STXBP5L: variants seen among roughly 807,000 people sequenced by gnomAD.
STXBP5L encodes the protein syntaxin-binding protein 5-like.
In STXBP5L, 65 loss-of-function variants were observed where a neutral mutation model predicts 144.5. The observed-to-expected ratio is 0.45, with a 90% confidence interval of 0.37 to 0.55. STXBP5L has a LOEUF of 0.55. STXBP5L is among the 20% of genes least tolerant of loss of function. STXBP5L has a pLI of 0.00. For synonymous variants in STXBP5L, 505 were observed against 469.6 expected (o/e 1.08, Z -0.97); for missense variants, 1,298 against 1,405.5 (o/e 0.92, Z 1.22).
At chr3:121,311,127 T>A (rs76120042) in intron 19 of STXBP5L, among the ~76,000 whole-genome samples, 18,302 of 152,154 alleles carry the variant, frequency 0.12, 1,160 homozygotes, top group Non-Finnish European at 0.14. Flanking sequence ...TGTGAAAATG[T>A]TCCAACTATC....
chr3:121,260,454 A>G (rs1424055661), intron 18 of STXBP5L, among the ~76,000 whole-genome samples: 1 of 151,998 alleles, frequency 6.6e-6, no homozygotes, highest in African/African-American at 2.4e-5. Flanking sequence ...TTTGTGTCTT[A>G]TTTAAAAAGT....
chr3:121,299,975 C>CAAAAAAAAAAAAAAAAAAAA (rs35062789), intron 19 of STXBP5L, among the ~76,000 whole-genome samples: 1 of 115,738 alleles, frequency 8.6e-6, no homozygotes, highest in Non-Finnish European at 1.8e-5. Flanking sequence ...GACCTGATCT[C>CAAAAAAAAAAAAAAAAAAAA]AAAAAAAAAA....
rs560235004 is a variant in STXBP5L at position 121,422,380 on chromosome 3, A to G, written c.*3283A>G. The G allele has an allele frequency of 3.3e-5, 5 of 152,274 alleles. No individual in the cohort carries two copies. The highest frequency in any genetic ancestry group is 3.9e-4 in the East Asian group (2 of 5,176). 9.4% of individuals were successfully genotyped at this position (152,274 alleles called of 1,614,324 possible). ...CCCAACAAGTTGACCTTGTCTCCCT[A>G]TGATTTCCTTGGAAGATAAGGCCTT... On this transcript the variant is annotated 3_prime_UTR_variant, in exon 27 of 27. Transcript: ENST00000471454.
In STXBP5L at chr3:120,955,615, T is replaced by G. The variant is rs566521480; in HGVS notation, c.287+578T>G. On this transcript the variant is annotated intron_variant, in intron 3 of 26. Coordinates refer to ENST00000471454, the MANE Select transcript of STXBP5L (RefSeq NM_001308330.2). ...TAATTAATTGTAGATGCACATGTAG[T>G]TATAAGAAATAATACAGAGATATCC... Among the ~76,000 whole-genome samples, 4 of 152,162 alleles carry G rather than the reference T, an allele frequency of 2.6e-5. No homozygotes were observed. The East Asian group carries it at 7.7e-4, about 29-fold the overall frequency.
At chr3:121,198,705 C>T (rs2048018395) in intron 9 of STXBP5L, among the ~76,000 whole-genome samples, 1 of 152,174 alleles carries the variant, frequency 6.6e-6, no homozygotes, top group South Asian at 2.1e-4. Context: ...CTGCATATCG[C>T]TAGCCAGTTT....
intron 5 of STXBP5L, among the ~76,000 whole-genome samples, chr3:121,111,066 G>A (rs541664542): frequency 1.1e-4 from 16 of 152,252 alleles, no homozygotes; most frequent in Admixed American, 1.3e-4. Flanking sequence ...AAGTTCTCAT[G>A]TTGTGTTTTT....
At chr3:121,287,025 C>T (rs1230945211) in intron 19 of STXBP5L, among the ~76,000 whole-genome samples, 1 of 152,142 alleles carries the variant, frequency 6.6e-6, no homozygotes, top group Admixed American at 6.5e-5. Context: ...CAGAGATCTA[C>T]AGTGTTTCCT....
At chr3:121,016,405 G>A (rs1218231756) in intron 3 of STXBP5L, among the ~76,000 whole-genome samples, 4 of 152,166 alleles carry the variant, frequency 2.6e-5, no homozygotes, top group Non-Finnish European at 5.9e-5. Flanking sequence ...AAGCCTAGAG[G>A]TGGAAACTCT....
intron 5 of STXBP5L, among the ~76,000 whole-genome samples, chr3:121,064,999 T>G (rs1386464026): frequency 6.6e-6 from 1 of 152,210 alleles, no homozygotes; most frequent in Non-Finnish European, 1.5e-5. Flanking sequence ...TATAGTATTG[T>G]TTTCTGTTCC....
intron 18 of STXBP5L, among the ~76,000 whole-genome samples, chr3:121,274,614 C>T (rs936680559): frequency 2.0e-5 from 3 of 152,182 alleles, no homozygotes; most frequent in African/African-American, 7.2e-5. Flanking sequence ...CCCAGAGCAG[C>T]CATGAAGCCA....
chr3:121,007,027 C>T (rs561150455), intron 3 of STXBP5L, among the ~76,000 whole-genome samples: 4 of 152,188 alleles, frequency 2.6e-5, no homozygotes, highest in African/African-American at 9.6e-5. Context: ...AATTATGTGT[C>T]TTGGAGTTGC....
At chr3:121,195,732 A>G (rs2047894704) in intron 9 of STXBP5L, among the ~76,000 whole-genome samples, 1 of 152,236 alleles carries the variant, frequency 6.6e-6, no homozygotes, top group Admixed American at 6.5e-5. Flanking sequence ...GGACAGGACT[A>G]CAGCTCAAAT....
At chr3:121,071,228 A>G (rs2041799272) in intron 5 of STXBP5L, among the ~76,000 whole-genome samples, 1 of 152,238 alleles carries the variant, frequency 6.6e-6, no homozygotes, top group African/African-American at 2.4e-5. Context: ...AGCATTTGCA[A>G]AGATAACATG....
intron 9 of STXBP5L, among the ~76,000 whole-genome samples, chr3:121,171,253 C>A (rs1472232504): frequency 6.6e-6 from 1 of 152,134 alleles, no homozygotes; most frequent in Non-Finnish European, 1.5e-5. Flanking sequence ...AGCCAATATA[C>A]TCAATGGGCA....
At chr3:121,054,126 C>G (rs1303439884) in intron 5 of STXBP5L, among the ~76,000 whole-genome samples, 3 of 152,148 alleles carry the variant, frequency 2.0e-5, no homozygotes, top group Admixed American at 6.5e-5. Context: ...AATAGGAACA[C>G]TTTTACACGG....
chr3:120,943,509 T>C (rs112687254), intron 2 of STXBP5L, among the ~76,000 whole-genome samples: 2,932 of 151,826 alleles, frequency 0.019, 91 homozygotes, highest in African/African-American at 0.066. Context: ...GTATATATAT[T>C]TAGTATCTAT....
chr3:120,975,798 TA>T (rs1214536190), intron 3 of STXBP5L, among the ~76,000 whole-genome samples: 3 of 152,180 alleles, frequency 2.0e-5, no homozygotes, highest in Admixed American at 2.0e-4. Flanking sequence ...TCTATTGAGA[TA>T]ATCATGTGGT....
chr3:121,095,416 G>T (rs7633404), intron 5 of STXBP5L, among the ~76,000 whole-genome samples: 4 of 152,074 alleles, frequency 2.6e-5, no homozygotes, highest in Non-Finnish European at 5.9e-5. Flanking sequence ...GTCACTTTCA[G>T]TTACACCAAT....
chr3:121,052,262 TGATACC>T (rs1560061251), intron 5 of STXBP5L, among the ~76,000 whole-genome samples: 2 of 151,998 alleles, frequency 1.3e-5, no homozygotes, highest in Admixed American at 6.6e-5. Context: ...ATCCAGGCTT[TGATACC>T]AAAGCCTGGC....
Sources: allele counts gnomAD v4.1 joint callset (sites outside exome capture counted in the v4.1 genomes callset), GRCh38; gene constraint gnomAD v4.1.1; transcripts MANE v1.5; gene names NCBI Gene and HGNC (gene_info 2026-07-23, HGNC 2026-07-21).